The following DYNC2H1 variants were observed in gnomAD, a reference collection of about 807,000 sequenced individuals.
DYNC2H1 encodes dynein cytoplasmic 2 heavy chain 1.
Under a neutral mutation model 570.0 loss-of-function variants are expected in DYNC2H1, and 410 were observed. The observed-to-expected ratio is 0.72, with a 90% CI of 0.66 to 0.78. The LOEUF (loss-of-function observed/expected upper bound fraction) is 0.78. Among genes scored for constraint, DYNC2H1 ranks in the 30% least tolerant of loss-of-function variants. The pLI, the probability that DYNC2H1 is intolerant of heterozygous loss-of-function variation, is 0.00. For missense variants in DYNC2H1, 4,865 were observed against 5,046.4 expected (o/e 0.96, Z 1.09); for synonymous variants, 1,688 against 1,677.6 (o/e 1.01, Z -0.15).
At chr11:103,202,054 A>T (rs688189) in intron 50 of DYNC2H1, among the ~76,000 whole-genome samples, 3 of 152,164 alleles carry the variant, frequency 2.0e-5, no homozygotes, top group Non-Finnish European at 4.4e-5. Flanking sequence ...TTAAATAATA[A>T]GTAATATTTA....
chr11:103,339,067 C>A (rs560139518), intron 82 of DYNC2H1, among the ~76,000 whole-genome samples: 69 of 152,162 alleles, frequency 4.5e-4, no homozygotes, highest in Admixed American at 1.2e-3. Context: ...TATGCTGTGA[C>A]CCCTACAGAC....
chr11:103,122,963 A>T lies in DYNC2H1; in HGVS notation c.1624A>T (p.Ile542Phe). ...QEQFDDWSRDIQSGLSDSRSG... is the reference protein window; with the variant it reads ...QEQFDDWSRDFQSGLSDSRSG... The stretch of plus-strand genomic sequence containing the variant: ...ACAATTTGATGATTGGTCCAGGGAT[A>T]TTCAATCAGGTTTATCTGATTCCAG... The change falls in exon 11 of 89, where the codon ATT (isoleucine) becomes TTT (phenylalanine). Residue 542 changes from isoleucine to phenylalanine, a missense_variant. Ile to Phe is a conservative substitution (Grantham distance 21). This residue lies in a region of DYNC2H1 where 1,936 missense variants were observed against 1,962.1 expected (regional missense o/e 0.99). Coordinates refer to ENST00000375735, the MANE Select transcript of DYNC2H1 (RefSeq NM_001377.3). 6.3e-7 allele frequency: 1 copy of T among 1,586,220 alleles called. No individual in the cohort carries two copies. Among genetic ancestry groups the T allele is most frequent in the Non-Finnish European group, 8.6e-7 (1 of 1,162,702 alleles).
rs1863523920 is a variant in DYNC2H1, at chr11:103,219,927, C to CA, written c.8851dup (p.Thr2951AsnfsTer4). ...AATATTCTTATAGGATGCTAGTGAG[C>CA]AAAAAACAGAACTTGAAAGACTGAA... On this transcript the variant is annotated frameshift_variant, in exon 56 of 89. Transcript: ENST00000375735. LOFTEE classifies it high-confidence loss of function. The CA allele has an allele frequency of 6.6e-7, 1 of 1,513,486 alleles. No homozygotes were observed. Among genetic ancestry groups the CA allele is most frequent in the African/African-American group, 1.5e-5 (1 of 68,782 alleles). 93.8% of individuals were successfully genotyped at this position (1,513,486 alleles called of 1,614,324 possible).
At chr11:103,146,239 G>T (rs1036435579) in intron 18 of DYNC2H1, among the ~76,000 whole-genome samples, 8 of 152,098 alleles carry the variant, frequency 5.3e-5, no homozygotes, top group Admixed American at 2.6e-4. Context: ...GCCTCTTAAG[G>T]ATCTCACCTG....
chr11:103,121,736 C>A (rs534837038), intron 10 of DYNC2H1, among the ~76,000 whole-genome samples: 1 of 152,158 alleles, frequency 6.6e-6, no homozygotes, highest in East Asian at 1.9e-4. Context: ...CAAAGAAATA[C>A]CTGTATTCAG....
chr11:103,436,454 G>T (rs1944062836), intron 85 of DYNC2H1, among the ~76,000 whole-genome samples: 1 of 151,986 alleles, frequency 6.6e-6, no homozygotes, highest in South Asian at 2.1e-4. Flanking sequence ...GAATAATATA[G>T]ACAGAGAAAG....
intron 72 of DYNC2H1, among the ~76,000 whole-genome samples, chr11:103,282,443 A>G (rs189178374): frequency 6.6e-6 from 1 of 152,008 alleles, no homozygotes; most frequent in Non-Finnish European, 1.5e-5. Context: ...AATATGTCAT[A>G]CTAATGAATT....
chr11:103,116,183 G>T (rs1160628517), intron 4 of DYNC2H1, among the ~76,000 whole-genome samples: 2 of 152,068 alleles, frequency 1.3e-5, no homozygotes, highest in Non-Finnish European at 2.9e-5. Flanking sequence ...CTGTGGTTGT[G>T]TTATTCTTAA....
rs575213228 is a variant in DYNC2H1, at chr11:103,344,285, T to C, written c.12040-13958T>C. Among the ~76,000 whole-genome samples, 5 of 152,340 alleles carry C rather than the reference T, an allele frequency of 3.3e-5. No individual in the cohort carries two copies. The East Asian group carries it at 9.6e-4, about 29-fold the overall frequency. ...ACTCTATCCATGAAACAAAATATTC[T>C]AATAATAGGATAGACATTTTCGTAT... On this transcript the variant is annotated intron_variant, in intron 82 of 88. Transcript: ENST00000375735.
intron 75 of DYNC2H1, among the ~76,000 whole-genome samples, chr11:103,298,215 T>G (rs1866913741): frequency 1.4e-5 from 2 of 141,322 alleles, no homozygotes; most frequent in Admixed American, 6.8e-5. Context: ...CTTTTTCTTG[T>G]TTTTTTTACT....
rs1017097874 is a variant in DYNC2H1, at chr11:103,453,641, T to C, written c.12457-1545T>C. Among the ~76,000 whole-genome samples the C allele has an allele frequency of 5.3e-3, 493 of 93,194 alleles. 3 individuals carry two copies. The highest frequency in any genetic ancestry group is 6.6e-3 in the Non-Finnish European group (293 of 44,196). The allele number at this position is 93,194 out of a possible 152,430, so 61.1% of individuals were successfully genotyped here. A position where few individuals can be genotyped will look rare whatever the true frequency, so the allele number is the denominator to read the frequency against. The stretch of plus-strand genomic sequence containing the variant: ...ATATATATATATATATATATATATA[T>C]ACACACATTCATTACTGGCAACAAC... On this transcript the variant is annotated intron_variant, in intron 85 of 88. Coordinates refer to ENST00000375735, the MANE Select transcript of DYNC2H1 (RefSeq NM_001377.3).
intron 83 of DYNC2H1, among the ~76,000 whole-genome samples, chr11:103,359,270 C>T (rs2566911): frequency 4.3e-4 from 66 of 152,278 alleles, no homozygotes; most frequent in Non-Finnish European, 8.1e-4. Flanking sequence ...AATGAAGTTG[C>T]GAGGACAGCT....
chr11:103,144,057 T>C (rs965820308), intron 18 of DYNC2H1, among the ~76,000 whole-genome samples: 2 of 152,122 alleles, frequency 1.3e-5, no homozygotes, highest in African/African-American at 4.8e-5. Flanking sequence ...GCTTTAGGAG[T>C]ACAAAGAGGA....
At chr11:103,210,050 T>A in intron 53 of DYNC2H1, 90 bp downstream of exon 53, 1 of 1,305,960 alleles carries the variant, frequency 7.7e-7, no homozygotes, top group South Asian at 1.6e-5. Context: ...AGATTCATGA[T>A]TATAAATTTG....
intron 58 of DYNC2H1, among the ~76,000 whole-genome samples, chr11:103,222,489 G>T (rs1408482668): frequency 6.6e-6 from 1 of 152,070 alleles, no homozygotes; most frequent in Non-Finnish European, 1.5e-5. Flanking sequence ...TTTTAGGACA[G>T]TGGTATCTAA....
chr11:103,194,685 T>A (rs1026906881), intron 47 of DYNC2H1, among the ~76,000 whole-genome samples: 1 of 152,174 alleles, frequency 6.6e-6, no homozygotes, highest in Non-Finnish European at 1.5e-5. Flanking sequence ...TTTGGTGGAA[T>A]GTCTTCATTT....
rs1308721762 is a variant in DYNC2H1, at chr11:103,145,338, G to A, written c.2702+1943G>A. Among the ~76,000 whole-genome samples, 2 of 152,140 alleles carry A rather than the reference G, an allele frequency of 1.3e-5. No individual in the cohort carries two copies. Among genetic ancestry groups the A allele is most frequent in the Non-Finnish European group, 2.9e-5 (2 of 68,022 alleles). On this transcript the variant is annotated intron_variant, in intron 18 of 88. Coordinates refer to ENST00000375735, the MANE Select transcript of DYNC2H1 (RefSeq NM_001377.3). The surrounding 1 kb of genome is among the most constrained non-coding windows in gnomAD (Gnocchi z 4.2). ...GCGTGGGTGATTTGGATACTGGTAG[G>A]ACCATTAATATTAGTTTAAAGTAAG...
chr11:103,163,068 T>C lies in DYNC2H1; in HGVS notation c.4532T>C (p.Leu1511Ser), dbSNP rs1443971050. Residue 1511 changes from leucine to serine, a missense_variant, in exon 30 of 89, where the codon TTG (leucine) becomes TCG (serine). This residue lies in a region of DYNC2H1 where 1,936 missense variants were observed against 1,962.1 expected (regional missense o/e 0.99). Coordinates refer to ENST00000375735, the MANE Select transcript of DYNC2H1 (RefSeq NM_001377.3). The surrounding 1 kb of genome is among the most constrained non-coding windows in gnomAD (Gnocchi z 4.6). The part of the protein sequence containing the change: ...NDLALEMKKT[L>S]EQLLKECVTT... ...TTGGCCTTAGAAATGAAGAAAACTT[T>C]GGAACAGTTGTTGAAGGAATGTGTT... 1 of 1,613,238 alleles carries C rather than the reference T, an allele frequency of 6.2e-7. No individual in the cohort carries two copies. Among genetic ancestry groups the C allele is most frequent in the Non-Finnish European group, 8.5e-7 (1 of 1,179,316 alleles).
chr11:103,124,982 G>GTT (rs140570273), intron 11 of DYNC2H1, 118 bp from the exon 12 acceptor site: 223 of 694,576 alleles, frequency 3.2e-4, no homozygotes, highest in South Asian at 5.0e-4. Flanking sequence ...TAATTAAAAA[G>GTT]TTTTTTTTTA....
Sources: allele counts gnomAD v4.1 joint callset (sites outside exome capture counted in the v4.1 genomes callset), GRCh38; gene constraint gnomAD v4.1.1; regional missense constraint gnomAD v4.1.1; non-coding constraint Gnocchi (gnomAD v3.1); transcripts MANE v1.5; gene names NCBI Gene and HGNC (gene_info 2026-07-23, HGNC 2026-07-21).